The following OR4N2 variants were observed in gnomAD, a reference collection of about 807,000 sequenced individuals.
The protein encoded by OR4N2 is olfactory receptor family 4 subfamily N member 2, also known as olfactory receptor 4N2.
For missense variants in OR4N2, 307 were observed against 377.6 expected (o/e 0.81, Z 1.55); for synonymous variants, 141 against 140.4 (o/e 1.00, Z -0.03).
At chr14:19,806,584 G>A (rs1879170854) in intron 1 of OR4N2, among the ~76,000 whole-genome samples, 1 of 152,130 alleles carries the variant, frequency 6.6e-6, no homozygotes. Flanking sequence ...AGTTTTTCTT[G>A]GCCTACCAAA....
chr14:19,805,508 C>T (rs61354270), intron 1 of OR4N2, among the ~76,000 whole-genome samples: 6 of 152,086 alleles, frequency 3.9e-5, no homozygotes, highest in African/African-American at 1.2e-4. Flanking sequence ...GCTCAAAGAC[C>T]GGTTCTTTGA....
chr14:19,828,748 G>A lies in OR4N2; in HGVS notation c.*376G>A, dbSNP rs181653148. 1 of 198,192 alleles carries A rather than the reference G, an allele frequency of 5.0e-6. No homozygotes were observed. Among genetic ancestry groups the A allele is most frequent in the African/African-American group, 2.4e-5 (1 of 42,182 alleles). 12.3% of individuals were successfully genotyped at this position (198,192 alleles called of 1,614,324 possible). A position where few individuals can be genotyped will look rare whatever the true frequency, so the allele number is the denominator to read the frequency against. ...ATGATATCTGGATAAACTGAAGAAG[G>A]CAAACATGCAAACATTTGTGGTTAT... is the stretch of plus-strand genomic sequence containing the variant. On this transcript the variant is annotated 3_prime_UTR_variant, in exon 2 of 2. Transcript: ENST00000557677.
At chr14:19,813,855 T>TTTTTTTTTTTGAGACGG (rs1566464217) in intron 1 of OR4N2, among the ~76,000 whole-genome samples, 1 of 143,640 alleles carries the variant, frequency 7.0e-6, no homozygotes, top group African/African-American at 2.6e-5. Flanking sequence ...TTTTTTTTTT[T>TTTTTTTTTTTGAGACGG]AAGTCATACA....
At chr14:19,824,842 C>T (rs372349258) in intron 1 of OR4N2, among the ~76,000 whole-genome samples, 2 of 151,984 alleles carry the variant, frequency 1.3e-5, no homozygotes, top group Non-Finnish European at 2.9e-5. Context: ...TGTTATTCAA[C>T]TGTCTATGTT....
At chr14:19,816,239 G>C (rs1879424891) in intron 1 of OR4N2, among the ~76,000 whole-genome samples, 2 of 151,450 alleles carry the variant, frequency 1.3e-5, no homozygotes, top group African/African-American at 4.9e-5. Context: ...TGTGAAGAAA[G>C]TCAGTGGTAG....
At chr14:19,804,431 C>A (rs991769246) in intron 1 of OR4N2, among the ~76,000 whole-genome samples, 12 of 152,146 alleles carry the variant, frequency 7.9e-5, no homozygotes, top group Admixed American at 2.6e-4. Flanking sequence ...CAAAGAATTT[C>A]TTGACTTCTG....
In OR4N2 at chr14:19,830,185, C is replaced by G. The variant is rs1312234518; in HGVS notation, c.*1813C>G. Reference sequence around the variant, plus strand: ...ATTGGGTGTAACCTTTAGCGTGTAACCACATTTCTTCCCTCCTAAATAAAA... The same window carrying G: ...ATTGGGTGTAACCTTTAGCGTGTAAGCACATTTCTTCCCTCCTAAATAAAA... On this transcript the variant is annotated 3_prime_UTR_variant, in exon 2 of 2. Transcript: ENST00000557677. 1.3e-5 allele frequency: 2 copies of G among 152,480 alleles called. No homozygotes were observed. Among genetic ancestry groups the G allele is most frequent in the African/African-American group, 4.8e-5 (2 of 41,472 alleles). The allele number at this position is 152,480 out of a possible 1,614,324, so 9.4% of individuals were successfully genotyped here.
chr14:19,822,250 A>G (rs1221798049), intron 1 of OR4N2: 1 of 150,018 alleles, frequency 6.7e-6, no homozygotes, highest in Non-Finnish European at 1.5e-5. Context: ...ATAATTTTCC[A>G]TAGACTCAAG....
chr14:19,823,361 G>A (rs1176160957), intron 1 of OR4N2, among the ~76,000 whole-genome samples: 2 of 152,170 alleles, frequency 1.3e-5, no homozygotes. Context: ...CAAGTATGAA[G>A]TAGTTGATAA....
chr14:19,822,829 A>G (rs1351006911), intron 1 of OR4N2, among the ~76,000 whole-genome samples: 1 of 152,268 alleles, frequency 6.6e-6, no homozygotes, highest in Non-Finnish European at 1.5e-5. Context: ...GAGTCAATAC[A>G]TTAAACTATT....
At chr14:19,813,262 T>C (rs1222955415) in intron 1 of OR4N2, among the ~76,000 whole-genome samples, 3 of 152,282 alleles carry the variant, frequency 2.0e-5, no homozygotes, top group African/African-American at 4.8e-5. Flanking sequence ...TATTTTCCTC[T>C]GTGCAGCTCT....
At chr14:19,806,808 T>C (rs1879175978) in intron 1 of OR4N2, among the ~76,000 whole-genome samples, 1 of 152,160 alleles carries the variant, frequency 6.6e-6, no homozygotes, top group South Asian at 2.1e-4. Flanking sequence ...ACATGCTTGA[T>C]CAGAAAGCAA....
intron 1 of OR4N2, among the ~76,000 whole-genome samples, chr14:19,826,030 A>G (rs1370738993): frequency 1.3e-5 from 2 of 152,268 alleles, no homozygotes; most frequent in Non-Finnish European, 2.9e-5. Flanking sequence ...ATTTATTTAT[A>G]AAGTATATAT....
chr14:19,805,508 C>A (rs61354270), intron 1 of OR4N2, among the ~76,000 whole-genome samples: 7,662 of 151,414 alleles, frequency 0.051, 180 homozygotes, highest in African/African-American at 0.13. Flanking sequence ...GCTCAAAGAC[C>A]GGTTCTTTGA....
At chr14:19,811,624 C>T (rs1201596021) in intron 1 of OR4N2, among the ~76,000 whole-genome samples, 2 of 152,240 alleles carry the variant, frequency 1.3e-5, no homozygotes, top group Admixed American at 1.3e-4. Context: ...TGGGATTTAT[C>T]CCAAAAACGA....
chr14:19,817,481 AG>A (rs1477721056), intron 1 of OR4N2, among the ~76,000 whole-genome samples: 1 of 152,222 alleles, frequency 6.6e-6, no homozygotes. Context: ...ATTTGTGTAG[AG>A]GTGTTTGTAG....
chr14:19,813,365 A>C (rs1324834060), intron 1 of OR4N2, among the ~76,000 whole-genome samples: 1 of 152,220 alleles, frequency 6.6e-6, no homozygotes, highest in Non-Finnish European at 1.5e-5. Context: ...CAGGCAGTGG[A>C]GTGTGGTTGG....
intron 1 of OR4N2, among the ~76,000 whole-genome samples, chr14:19,816,018 G>T (rs1879418472): frequency 6.6e-6 from 1 of 152,194 alleles, no homozygotes; most frequent in Non-Finnish European, 1.5e-5. Context: ...TAGACGTGTG[G>T]CATTATTTCT....
chr14:19,823,342 GT>G (rs752699026), intron 1 of OR4N2, among the ~76,000 whole-genome samples: 4 of 151,832 alleles, frequency 2.6e-5, no homozygotes, highest in Non-Finnish European at 4.4e-5. Context: ...TTTTTATCAG[GT>G]TCACTTACAA....
Sources: allele counts gnomAD v4.1 joint callset (sites outside exome capture counted in the v4.1 genomes callset), GRCh38; gene constraint gnomAD v4.1.1; transcripts MANE v1.5; gene names NCBI Gene and HGNC (gene_info 2026-07-23, HGNC 2026-07-21).